Variants in COL17A1 observed in about 807,000 individuals in gnomAD.
The protein encoded by COL17A1 is collagen type XVII alpha 1 chain.
COL17A1 carries 181 observed loss-of-function variants against 218.4 expected under a neutral mutation model. That is an observed-to-expected ratio of 0.83 (90% CI 0.73 to 0.94). COL17A1 has a LOEUF of 0.94. COL17A1 is among the 40% of genes least tolerant of loss of function. The pLI, the probability that COL17A1 is intolerant of heterozygous loss-of-function variation, is 0.00. For synonymous variants in COL17A1, 721 were observed against 731.0 expected (o/e 0.99, Z 0.22); for missense variants, 1,924 against 1,945.9 (o/e 0.99, Z 0.21).
rs947037055 is a variant in COL17A1 at position 104,036,987 on chromosome 10, G to A, written c.3277+58C>T. 8.1e-6 allele frequency: 12 copies of A among 1,488,710 alleles called. No homozygotes were observed. In the Admixed American group the frequency reaches 2.3e-4, roughly 28 times the overall value. 92.2% of individuals were successfully genotyped at this position (1,488,710 alleles called of 1,614,324 possible). ...GACGAGGACAAGGTTTGCATGACGAGTGAGGCCAGGAGAAAGCAAAGATAG... is the reference window on the plus strand; with the variant it reads ...GACGAGGACAAGGTTTGCATGACGAATGAGGCCAGGAGAAAGCAAAGATAG... On this transcript the variant is annotated intron_variant, in intron 47 of 55. Transcript: ENST00000648076.
At chr10:104,074,043 A>C in intron 6 of COL17A1, 141 bp downstream of exon 6, 1 of 1,345,688 alleles carries the variant, frequency 7.4e-7, no homozygotes. Context: ...AGCAAGGGAA[A>C]AATAGGTCAG....
rs761144284 is a variant in COL17A1, at chr10:104,060,304, G to A, written c.980-24C>T. 8.1e-6 allele frequency: 13 copies of A among 1,613,452 alleles called. No homozygotes were observed. The South Asian group carries it at 1.2e-4, about 15-fold the overall frequency. On this transcript the variant is annotated intron_variant, in intron 13 of 55. Coordinates refer to ENST00000648076, the MANE Select transcript of COL17A1 (RefSeq NM_000494.4). ...GGCTGGGGAGAAAGAAAATGGGTAA[G>A]AAGGAAGGACATGTGCCAGGAGAAG...
At position 104,047,880 on chromosome 10, in the gene COL17A1, T is replaced by C. The variant is rs553409227; in HGVS notation, c.2264-70A>G. ...GCTAAACTGGTTATCACATCTGAAC[T>C]GATAGTTTCTGAGGGTTTTCCTAAT... On this transcript the variant is annotated intron_variant, in intron 30 of 55. Coordinates refer to ENST00000648076, the MANE Select transcript of COL17A1 (RefSeq NM_000494.4). 125 of 1,454,214 alleles carry C rather than the reference T, an allele frequency of 8.6e-5. 1 individual carries two copies. The highest frequency in any genetic ancestry group is 1.1e-4 in the Non-Finnish European group (118 of 1,034,360). 90.1% of individuals were successfully genotyped at this position (1,454,214 alleles called of 1,614,324 possible).
chr10:104,057,211 G>A (rs1423067683), intron 16 of COL17A1, 39 bp from the exon 17 acceptor site: 2 of 1,613,618 alleles, frequency 1.2e-6, no homozygotes, highest in Non-Finnish European at 1.7e-6. Flanking sequence ...AATGCAGGCA[G>A]CTCCTGCCTT....
At chr10:104,067,568 G>A (rs1332447559) in intron 9 of COL17A1, among the ~76,000 whole-genome samples, 1 of 152,168 alleles carries the variant, frequency 6.6e-6, no homozygotes, top group African/African-American at 2.4e-5. Flanking sequence ...TCTTGCAGAC[G>A]GACAGAGGGG....
chr10:104,050,418 ACACT>A (rs2086457304), intron 27 of COL17A1, among the ~76,000 whole-genome samples, 199 bp downstream of exon 27: 1 of 152,070 alleles, frequency 6.6e-6, no homozygotes, highest in Non-Finnish European at 1.5e-5. Context: ...ACCCCGAGAA[ACACT>A]CACCACCCCA....
chr10:104,040,317 C>T (rs2086345720), intron 40 of COL17A1, 34 bp downstream of exon 40: 1 of 1,496,212 alleles, frequency 6.7e-7, no homozygotes, highest in Non-Finnish European at 9.3e-7. Flanking sequence ...AGGACACATA[C>T]TGGCTTCTGG....
chr10:104,050,296 C>A (rs2086455811), intron 27 of COL17A1, among the ~76,000 whole-genome samples, 172 bp from the exon 28 acceptor site: 1 of 152,182 alleles, frequency 6.6e-6, no homozygotes, highest in African/African-American at 2.4e-5. Flanking sequence ...CACATCTGAT[C>A]TTTGGCAGAG....
intron 9 of COL17A1, among the ~76,000 whole-genome samples, chr10:104,068,601 A>G (rs2134642264): frequency 6.6e-6 from 1 of 152,356 alleles, no homozygotes; most frequent in South Asian, 2.1e-4. Flanking sequence ...AATAGTACAC[A>G]CCTTTAAAAA....
rs1844714870 is a variant in COL17A1 at position 104,033,303 on chromosome 10, GGTGGCCCCT to G, written c.4220_4228del (p.Gln1407_Pro1409del). 2 of 1,604,614 alleles carry G rather than the reference GGTGGCCCCT, an allele frequency of 1.2e-6. No individual in the cohort carries two copies. Among genetic ancestry groups the G allele is most frequent in the African/African-American group, 1.3e-5 (1 of 74,834 alleles). On this transcript the variant is annotated inframe_deletion, in exon 53 of 56. Coordinates refer to ENST00000648076, the MANE Select transcript of COL17A1 (RefSeq NM_000494.4). ...GGCAGAGAAGACCTTGCTGATGCCG[GGTGGCCCCT>G]GTGGCCCAGGCTGGCCTGGTGGGCC...
rs558896700 is a variant in COL17A1, at chr10:104,033,697, C to T, written c.4156+248G>A. 2.0e-5 allele frequency among the ~76,000 whole-genome samples: 3 copies of T among 152,298 alleles called. No individual in the cohort carries two copies. In the South Asian group the frequency reaches 6.2e-4, roughly 32 times the overall value. Reference sequence around the variant, plus strand: ...CATATGACTCATCTGGGACCCAGAACGAGCTAGGTGTTGGGAAAACAAAGT... The same window carrying T: ...CATATGACTCATCTGGGACCCAGAATGAGCTAGGTGTTGGGAAAACAAAGT... On this transcript the variant is annotated intron_variant, in intron 52 of 55. Transcript: ENST00000648076.
intron 27 of COL17A1, 57 bp downstream of exon 27, chr10:104,050,564 G>A: frequency 6.2e-7 from 1 of 1,612,314 alleles, no homozygotes; most frequent in Non-Finnish European, 8.5e-7. Flanking sequence ...GGTCCCATCT[G>A]GGCTCCCAGG....
At chr10:104,073,172 G>T (rs772323078) in intron 7 of COL17A1, 38 bp downstream of exon 7, 5 of 1,595,402 alleles carry the variant, frequency 3.1e-6, no homozygotes, top group Non-Finnish European at 4.3e-6. Context: ...GAAAATACTT[G>T]TTGAATGAAT....
chr10:104,046,853 C>A, intron 31 of COL17A1, 80 bp from the exon 32 acceptor site: 1 of 1,353,024 alleles, frequency 7.4e-7, no homozygotes, highest in East Asian at 2.4e-5. Context: ...CTGCAGAAAC[C>A]GGTGGACACT....
At position 104,034,604 on chromosome 10, in the gene COL17A1, A is replaced by G. The variant is rs1295873172; in HGVS notation, c.3766+17T>C. On this transcript the variant is annotated intron_variant, in intron 51 of 55. Coordinates refer to ENST00000648076, the MANE Select transcript of COL17A1 (RefSeq NM_000494.4). The stretch of plus-strand genomic sequence containing the variant: ...CCTGCGGGGTGCCTGGTGGGGCATC[A>G]CCGTCGGGGCACCTACTTGTGAGGT... 1.9e-6 allele frequency: 3 copies of G among 1,607,148 alleles called. No individual in the cohort carries two copies. Among genetic ancestry groups the G allele is most frequent in the Non-Finnish European group, 2.5e-6 (3 of 1,176,786 alleles).
Position 104,054,119 on chromosome 10 carries a change from C to T in COL17A1, c.1745-1G>A. ...GGAGTCCCAGGGAACCCTCGATCTC[C>T]TGCAGGAACAAAGGCAAAAGAGAGA... is the stretch of plus-strand genomic sequence containing the variant. On this transcript the variant is annotated splice_acceptor_variant, in intron 20 of 55. Coordinates refer to ENST00000648076, the MANE Select transcript of COL17A1 (RefSeq NM_000494.4). LOFTEE classifies it high-confidence loss of function. 1 of 1,607,698 alleles carries T rather than the reference C, an allele frequency of 6.2e-7. No homozygotes were observed.
Position 104,043,842 on chromosome 10 carries a change from C to T in COL17A1, c.2417G>A (p.Gly806Asp), listed in dbSNP as rs895624026. The T allele has an allele frequency of 3.7e-6, 6 of 1,614,028 alleles. No individual in the cohort carries two copies. In the Admixed American group the frequency reaches 1.0e-4, roughly 27 times the overall value. Residue 806 changes from glycine to aspartate, a missense_variant, in exon 34 of 56, where the codon GGC becomes GAC. Coordinates refer to ENST00000648076, the MANE Select transcript of COL17A1 (RefSeq NM_000494.4). ...CTGCCTACCCGAAGTCACGATCTTG[C>T]CTGGAGCTCCTGGTTCACCTAGGAA... ...PGIKGEPGAP[G>D]KIVTSEGSSM...
intron 9 of COL17A1, among the ~76,000 whole-genome samples, chr10:104,066,986 T>A (rs2086631583): frequency 6.6e-6 from 1 of 152,148 alleles, no homozygotes; most frequent in African/African-American, 2.4e-5. Context: ...AGCAGCTAGA[T>A]CAATTTTTAG....
chr10:104,057,004 A>C lies in COL17A1; in HGVS notation c.1436T>G (p.Leu479Arg). ...LGLLLTWLLL[L>R]GLLFGLIALA... ...AGCAATGAGGCCGAAGAGCAGCCCC[A>C]GGAGTAGCAGCCAGGTGAGCAGCAG... is the stretch of plus-strand genomic sequence containing the variant. Residue 479 changes from leucine (L) to arginine (R), a missense_variant, in exon 17 of 56, where the codon CTG becomes CGG. Physicochemically the swap from Leu to Arg is moderately radical, Grantham distance 102. Coordinates refer to ENST00000648076, the MANE Select transcript of COL17A1 (RefSeq NM_000494.4). 6.3e-7 allele frequency: 1 copy of C among 1,588,528 alleles called. No individual in the cohort carries two copies.
Sources: gnomAD v4.1 joint callset for allele counts (sites outside exome capture counted in the v4.1 genomes callset) on GRCh38, gnomAD v4.1.1 for gene constraint, MANE v1.5 for transcripts, NCBI Gene and HGNC (gene_info 2026-07-23, HGNC 2026-07-21) for gene names.